EXOSC2: variants seen among roughly 807,000 people sequenced by gnomAD.
The protein encoded by EXOSC2 is exosome component 2.
EXOSC2 carries 29 observed loss-of-function variants against 37.6 expected under a neutral mutation model. The ratio of observed to expected loss-of-function variants is 0.77; its 90% confidence interval spans 0.57 to 1.05. The LOEUF is 1.05. Ranked by LOEUF, EXOSC2 falls within the 50% of genes least tolerant of loss-of-function variation. The pLI is 0.00. For synonymous variants in EXOSC2, 119 were observed against 131.1 expected (o/e 0.91, Z 0.63); for missense variants, 346 against 365.6 (o/e 0.95, Z 0.44).
chr9:130,693,930 G>C lies in EXOSC2; in HGVS notation c.122+17G>C. The stretch of plus-strand genomic sequence containing the variant: ...ATTCATGCGGTACGTGGGGACTTGG[G>C]GGAGTCGAGGCTTCAGAGAGCGGCT... On this transcript the variant is annotated intron_variant, in intron 1 of 8. Coordinates refer to ENST00000372358, the MANE Select transcript of EXOSC2 (RefSeq NM_014285.7). 6.3e-7 allele frequency: 1 copy of C among 1,584,580 alleles called. No individual in the cohort carries two copies. The highest frequency in any genetic ancestry group is 8.6e-7 in the Non-Finnish European group (1 of 1,158,858).
rs751628968 is a variant in EXOSC2 at position 130,697,641 on chromosome 9, C to G, written c.270+14C>G. On this transcript the variant is annotated intron_variant, in intron 3 of 8. Transcript: ENST00000372358. ...CGAATCACAGAGGTAACGTCGATAT[C>G]AGATTGGTGTTTACAAAGTCGAGGC... is the stretch of plus-strand genomic sequence containing the variant. 13 of 1,613,264 alleles carry G rather than the reference C, an allele frequency of 8.1e-6. No homozygotes were observed. In the South Asian group the frequency reaches 1.3e-4, roughly 16 times the overall value.
intron 4 of EXOSC2, 26 bp from the exon 5 acceptor site, chr9:130,699,303 T>C: frequency 1.9e-6 from 3 of 1,610,798 alleles, no homozygotes; most frequent in South Asian, 2.2e-5. Flanking sequence ...CTGGCTTAAG[T>C]AATGTCATTT....
intron 5 of EXOSC2, among the ~76,000 whole-genome samples, chr9:130,700,548 G>A (rs554077063): frequency 4.0e-5 from 6 of 149,570 alleles, no homozygotes; most frequent in South Asian, 2.1e-4. Flanking sequence ...TAGTAGAGAC[G>A]GGGTTTCTCC....
At chr9:130,699,265 G>T in intron 4 of EXOSC2, 64 bp from the exon 5 acceptor site, 1 of 1,515,902 alleles carries the variant, frequency 6.6e-7, no homozygotes, top group South Asian at 1.1e-5. Flanking sequence ...GGAAGTGAAA[G>T]AGAAGTGATG....
intron 6 of EXOSC2, chr9:130,701,593 A>G: frequency 1.0e-6 from 1 of 986,558 alleles, no homozygotes. Flanking sequence ...TAGGCAGAGG[A>G]CTGCTGCAGT....
rs532129479 is a variant in EXOSC2, at chr9:130,700,674, T to A, written c.427-193T>A. On this transcript the variant is annotated intron_variant, in intron 5 of 8. Coordinates refer to ENST00000372358, the MANE Select transcript of EXOSC2 (RefSeq NM_014285.7). Reference sequence around the variant, plus strand: ...GCACCTGGCCTTCTGTCTGTATTTTTAAAAAAAAGATATTCATGACAACCA... The same window carrying A: ...GCACCTGGCCTTCTGTCTGTATTTTAAAAAAAAAGATATTCATGACAACCA... 1.4e-3 allele frequency among the ~76,000 whole-genome samples: 206 copies of A among 151,892 alleles called. 4 individuals carry two copies. In the South Asian group the frequency reaches 0.035, roughly 26 times the overall value.
Position 130,698,343 on chromosome 9 carries a change from CT to C in EXOSC2, c.360+93del. ...TTCCACCAGAGGACTTTGATTTACA[CT>C]GAGGTTGCCCCTTTGACTCCTGTTT... is the stretch of plus-strand genomic sequence containing the variant. On this transcript the variant is annotated intron_variant, in intron 4 of 8. Transcript: ENST00000372358. The surrounding 1 kb of genome is among the most constrained non-coding windows in gnomAD (Gnocchi z 4.1). 1 of 1,153,792 alleles carries C rather than the reference CT, an allele frequency of 8.7e-7. No homozygotes were observed. Among genetic ancestry groups the C allele is most frequent in the Non-Finnish European group, 1.3e-6 (1 of 787,852 alleles). 71.5% of individuals were successfully genotyped at this position (1,153,792 alleles called of 1,614,324 possible).
chr9:130,703,690 T>G lies in EXOSC2; in HGVS notation c.802-4T>G. The G allele has an allele frequency of 6.2e-7, 1 of 1,612,672 alleles. No homozygotes were observed. Among genetic ancestry groups the G allele is most frequent in the Non-Finnish European group, 8.5e-7 (1 of 1,179,272 alleles). On this transcript the variant is annotated splice_polypyrimidine_tract_variant and splice_region_variant and intron_variant, in intron 8 of 8. Coordinates refer to ENST00000372358, the MANE Select transcript of EXOSC2 (RefSeq NM_014285.7). Reference sequence around the variant, plus strand: ...TCTGAACAAATGCCTTTTCCCTTTTTCAGATCAAAGACATCTTAAAGCCAG... The same window carrying G: ...TCTGAACAAATGCCTTTTCCCTTTTGCAGATCAAAGACATCTTAAAGCCAG...
Position 130,693,806 on chromosome 9 carries a change from G to T in EXOSC2, c.15G>T (p.Met5Ile). The part of the protein sequence containing the change: MAME[M>I]RLPVARKPLS... ...TTGGCGCCAAGATGGCGATGGAGAT[G>T]AGGCTTCCAGTGGCTCGCAAGCCTC... The change falls in exon 1 of 9, where the codon ATG becomes ATT. Residue 5 changes from methionine (M) to isoleucine (I), a missense_variant. Physicochemically the swap from Met to Ile is conservative, Grantham distance 10. Coordinates refer to ENST00000372358, the MANE Select transcript of EXOSC2 (RefSeq NM_014285.7). 6.2e-6 allele frequency: 10 copies of T among 1,607,364 alleles called. No individual in the cohort carries two copies. Among genetic ancestry groups the T allele is most frequent in the Non-Finnish European group, 7.7e-6 (9 of 1,175,480 alleles).
At chr9:130,701,747 G>T (rs926050593) in intron 6 of EXOSC2, 1 of 871,278 alleles carries the variant, frequency 1.1e-6, no homozygotes, top group African/African-American at 1.8e-5. Flanking sequence ...TCACAGGCAA[G>T]ATGAGTGTTT....
rs1485745692 is a variant in EXOSC2, at chr9:130,693,808, G to C, written c.17G>C (p.Arg6Thr). 1 of 1,608,982 alleles carries C rather than the reference G, an allele frequency of 6.2e-7. No individual in the cohort carries two copies. Among genetic ancestry groups the C allele is most frequent in the Non-Finnish European group, 8.5e-7 (1 of 1,176,590 alleles). ...GGCGCCAAGATGGCGATGGAGATGA[G>C]GCTTCCAGTGGCTCGCAAGCCTCTT... is the stretch of plus-strand genomic sequence containing the variant. MAMEM[R>T]LPVARKPLSE... is the part of the protein sequence containing the mutation. Residue 6 changes from arginine (R) to threonine (T), a missense_variant, in exon 1 of 9, where the codon AGG becomes ACG. By Grantham distance (71) the Arg-to-Thr change is moderately conservative (BLOSUM62 -1). Coordinates refer to ENST00000372358, the MANE Select transcript of EXOSC2 (RefSeq NM_014285.7).
rs201226761 is a variant in EXOSC2, at chr9:130,700,867, G to T, written c.427G>T (p.Ala143Ser). ...TTTGTTCCTTCATCACCCTGGCCAG[G>T]CTGAGGTCCAGGCAGTGTTCTCTGA... ...GFLQEGDLIS[A>S]EVQAVFSDGA... The change falls in exon 6 of 9, where the codon GCT becomes TCT. Residue 143 changes from alanine to serine, a missense_variant and splice_region_variant. Coordinates refer to ENST00000372358, the MANE Select transcript of EXOSC2 (RefSeq NM_014285.7). 22 of 1,614,028 alleles carry T rather than the reference G, an allele frequency of 1.4e-5. No homozygotes were observed. Among genetic ancestry groups the T allele is most frequent in the Non-Finnish European group, 1.7e-5 (20 of 1,179,984 alleles).
Position 130,703,749 on chromosome 9 carries a change from A to C in EXOSC2, c.857A>C (p.Gln286Pro), listed in dbSNP as rs746926392. Reference sequence around the variant, plus strand: ...GAGGAGATTGTGATGGAAACACGCCAGAGGCTTTTGGAACAGGAGGGATAA... The same window carrying C: ...GAGGAGATTGTGATGGAAACACGCCCGAGGCTTTTGGAACAGGAGGGATAA... ...IMEEIVMETR[Q>P]RLLEQEG is the part of the protein sequence containing the mutation. Residue 286 changes from glutamine to proline, a missense_variant, in exon 9 of 9, where the codon CAG (glutamine) becomes CCG (proline). Coordinates refer to ENST00000372358, the MANE Select transcript of EXOSC2 (RefSeq NM_014285.7). The C allele has an allele frequency of 6.2e-7, 1 of 1,613,958 alleles. No individual in the cohort carries two copies. Among genetic ancestry groups the C allele is most frequent in the South Asian group, 1.1e-5 (1 of 91,006 alleles).
intron 7 of EXOSC2, 76 bp from the exon 8 acceptor site, chr9:130,702,977 T>C: frequency 6.6e-7 from 1 of 1,526,026 alleles, no homozygotes; most frequent in South Asian, 1.2e-5. Flanking sequence ...AAATGATTTA[T>C]TTGTGAATTT....
rs1831135420 is a variant in EXOSC2, at chr9:130,698,116, C to T, written c.271-46C>T. ...GCCTTACTGGTTATTTATGATATGA[C>T]ACATGAACATGGAGCATGTGTCCAG... On this transcript the variant is annotated intron_variant, in intron 3 of 8. Transcript: ENST00000372358. This position sits in a 1 kb window ranked among gnomAD's most constrained non-coding sequence, Gnocchi z 4.1. The T allele has an allele frequency of 2.6e-6, 4 of 1,564,228 alleles. No homozygotes were observed. Among genetic ancestry groups the T allele is most frequent in the African/African-American group, 1.4e-5 (1 of 73,896 alleles).
Position 130,703,824 on chromosome 9 carries a change from G to A in EXOSC2, c.*50G>A. 4 of 1,419,968 alleles carry A rather than the reference G, an allele frequency of 2.8e-6. No homozygotes were observed. Among genetic ancestry groups the A allele is most frequent in the Non-Finnish European group, 3.9e-6 (4 of 1,015,524 alleles). 88.0% of individuals were successfully genotyped at this position (1,419,968 alleles called of 1,614,324 possible). ...TGTGGACCTTGCAGGAGTGAAGACTGTGATGTGTGGTCCCCATATGTGGCT... is the reference window on the plus strand; with the variant it reads ...TGTGGACCTTGCAGGAGTGAAGACTATGATGTGTGGTCCCCATATGTGGCT... On this transcript the variant is annotated 3_prime_UTR_variant, in exon 9 of 9. Coordinates refer to ENST00000372358, the MANE Select transcript of EXOSC2 (RefSeq NM_014285.7).
Position 130,693,804 on chromosome 9 carries a change from A to T in EXOSC2, c.13A>T (p.Met5Leu). Residue 5 changes from methionine (M) to leucine (L), a missense_variant, in exon 1 of 9, where the codon ATG (methionine) becomes TTG (leucine). Coordinates refer to ENST00000372358, the MANE Select transcript of EXOSC2 (RefSeq NM_014285.7). ...CATTGGCGCCAAGATGGCGATGGAG[A>T]TGAGGCTTCCAGTGGCTCGCAAGCC... MAME[M>L]RLPVARKPLS... 1.2e-6 allele frequency: 2 copies of T among 1,607,194 alleles called. No homozygotes were observed. The highest frequency in any genetic ancestry group is 1.7e-6 in the Non-Finnish European group (2 of 1,175,454).
Position 130,694,891 on chromosome 9 carries a change from A to G in EXOSC2, c.123-601A>G, listed in dbSNP as rs1189765805. Among the ~76,000 whole-genome samples the G allele has an allele frequency of 7.2e-6, 1 of 139,816 alleles. No homozygotes were observed. The highest frequency in any genetic ancestry group is 1.5e-5 in the Non-Finnish European group (1 of 65,172). 91.7% of individuals were successfully genotyped at this position (139,816 alleles called of 152,430 possible). The stretch of plus-strand genomic sequence containing the variant: ...CTAATTTTTGGTTTTTTTTTTTTTT[A>G]GTAGAGACAGGGTTTCACTGTGTTG... On this transcript the variant is annotated intron_variant, in intron 1 of 8. Transcript: ENST00000372358. The surrounding 1 kb of genome is among the most constrained non-coding windows in gnomAD (Gnocchi z 4.0).
At position 130,700,936 on chromosome 9, in the gene EXOSC2, G is replaced by T. The variant is rs1564258092; in HGVS notation, c.495+1G>T. 10 of 1,614,038 alleles carry T rather than the reference G, an allele frequency of 6.2e-6. No homozygotes were observed. The highest frequency in any genetic ancestry group is 7.6e-6 in the Non-Finnish European group (9 of 1,179,952). ...CACGAGGAGCCTGAAATATGGAAAA[G>T]TAAGTCGGGCTCTTGATGTTCCTGT... On this transcript the variant is annotated splice_donor_variant, in intron 6 of 8. Coordinates refer to ENST00000372358, the MANE Select transcript of EXOSC2 (RefSeq NM_014285.7). LOFTEE classifies it high-confidence loss of function.
Sources: allele counts gnomAD v4.1 joint callset (sites outside exome capture counted in the v4.1 genomes callset), GRCh38; gene constraint gnomAD v4.1.1; non-coding constraint Gnocchi (gnomAD v3.1); transcripts MANE v1.5; gene names NCBI Gene and HGNC (gene_info 2026-07-23, HGNC 2026-07-21).